The following ME3 variants were observed in gnomAD, a reference collection of about 807,000 sequenced individuals.
The protein encoded by ME3 is malic enzyme 3.
ME3 carries 48 observed loss-of-function variants against 68.9 expected under a neutral mutation model. That is an observed-to-expected ratio of 0.70 (90% CI 0.55 to 0.89). The LOEUF (loss-of-function observed/expected upper bound fraction) is 0.89, where lower values mean the gene tolerates loss of function less well. Among genes scored for constraint, ME3 ranks in the 40% least tolerant of loss-of-function variants. ME3 has a pLI of 0.00. For synonymous variants in ME3, 320 were observed against 318.8 expected (o/e 1.00, Z -0.04); for missense variants, 675 against 797.4 (o/e 0.85, Z 1.85).
chr11:86,659,805 G>A (rs760143839), intron 2 of ME3, among the ~76,000 whole-genome samples: 10 of 152,158 alleles, frequency 6.6e-5, no homozygotes, highest in East Asian at 1.9e-4. Flanking sequence ...GACTGGGAGC[G>A]TTATAATGGT....
At chr11:86,661,909 A>T (rs1209307826) in intron 2 of ME3, among the ~76,000 whole-genome samples, 1 of 152,120 alleles carries the variant, frequency 6.6e-6, no homozygotes, top group African/African-American at 2.4e-5. Context: ...TCCACTGCCT[A>T]AAACTAAACA....
intron 2 of ME3, among the ~76,000 whole-genome samples, chr11:86,566,916 G>A (rs1370548914): frequency 6.6e-6 from 1 of 152,012 alleles, no homozygotes; most frequent in Non-Finnish European, 1.5e-5. Context: ...TGAGAAAGGA[G>A]TGGATAAAAA....
chr11:86,526,670 T>G (rs2139229957), intron 4 of ME3, among the ~76,000 whole-genome samples: 1 of 152,242 alleles, frequency 6.6e-6, no homozygotes, highest in Middle Eastern at 3.4e-3. Context: ...GAGACAAAAC[T>G]TCCAGAGGAA....
intron 2 of ME3, among the ~76,000 whole-genome samples, chr11:86,625,148 T>C (rs1377240223): frequency 1.3e-5 from 2 of 152,092 alleles, no homozygotes; most frequent in African/African-American, 4.8e-5. Context: ...GTATATAGAA[T>C]ACAAAATAGA....
At chr11:86,496,706 C>T (rs1055465929) in intron 6 of ME3, among the ~76,000 whole-genome samples, 1 of 152,104 alleles carries the variant, frequency 6.6e-6, no homozygotes, top group Non-Finnish European at 1.5e-5. Flanking sequence ...AACCTAAGTG[C>T]CCAACTGTGG....
chr11:86,593,207 A>G (rs568816165), intron 2 of ME3, among the ~76,000 whole-genome samples: 7 of 116,936 alleles, frequency 6.0e-5, no homozygotes, highest in African/African-American at 2.3e-4. Context: ...CTTCACTCAC[A>G]TAGTAAAAGT....
chr11:86,481,203 A>G (rs1240609311), intron 7 of ME3, among the ~76,000 whole-genome samples: 1 of 127,250 alleles, frequency 7.9e-6, no homozygotes, highest in Non-Finnish European at 1.6e-5. Context: ...CACCACACCC[A>G]GCTGATTTTT....
At chr11:86,457,949 T>C (rs1220458013) in intron 8 of ME3, among the ~76,000 whole-genome samples, 1 of 152,112 alleles carries the variant, frequency 6.6e-6, no homozygotes, top group Non-Finnish European at 1.5e-5. Flanking sequence ...GAACAATAGA[T>C]TATTGGAGGA....
At chr11:86,461,143 G>A (rs1460178570) in intron 8 of ME3, among the ~76,000 whole-genome samples, 1 of 152,216 alleles carries the variant, frequency 6.6e-6, no homozygotes, top group African/African-American at 2.4e-5. Flanking sequence ...ACGTGCAGGA[G>A]CAACAGGCAG....
intron 2 of ME3, among the ~76,000 whole-genome samples, chr11:86,600,850 C>T (rs1960516477): frequency 6.6e-6 from 1 of 151,780 alleles, no homozygotes; most frequent in African/African-American, 2.4e-5. Context: ...TCCTGAATGA[C>T]TACTGGGTAC....
chr11:86,460,861 C>T (rs1160796480), intron 8 of ME3, among the ~76,000 whole-genome samples: 1 of 152,228 alleles, frequency 6.6e-6, no homozygotes, highest in Non-Finnish European at 1.5e-5. Context: ...CATGTTGGCT[C>T]ATTAGTCCTG....
chr11:86,580,912 C>G (rs750055550), intron 2 of ME3, among the ~76,000 whole-genome samples: 1 of 152,170 alleles, frequency 6.6e-6, no homozygotes, highest in Admixed American at 6.5e-5. Context: ...GTTTCCTGGT[C>G]GGCCTTATCC....
At chr11:86,558,322 C>A (rs1366406268) in intron 3 of ME3, among the ~76,000 whole-genome samples, 1 of 152,170 alleles carries the variant, frequency 6.6e-6, no homozygotes, top group African/African-American at 2.4e-5. Context: ...TGTGTAATTT[C>A]TGGCTTGCTC....
At chr11:86,506,628 A>G (rs1953094803) in intron 5 of ME3, among the ~76,000 whole-genome samples, 1 of 152,154 alleles carries the variant, frequency 6.6e-6, no homozygotes, top group African/African-American at 2.4e-5. Flanking sequence ...AAAAGCACCG[A>G]AAGTATTAGT....
At chr11:86,450,052 G>T in intron 9 of ME3, 50 bp from the exon 10 acceptor site, 1 of 1,400,084 alleles carries the variant, frequency 7.1e-7, no homozygotes, top group Non-Finnish European at 1.0e-6. Flanking sequence ...AACAGCTGCT[G>T]AACATTTATC....
At chr11:86,479,577 A>G (rs1262796973) in intron 7 of ME3, among the ~76,000 whole-genome samples, 2 of 151,986 alleles carry the variant, frequency 1.3e-5, no homozygotes, top group Non-Finnish European at 2.9e-5. Flanking sequence ...TTTTCTCATG[A>G]TGTACCTTCT....
intron 2 of ME3, among the ~76,000 whole-genome samples, chr11:86,560,125 GT>G (rs1957135388): frequency 6.6e-6 from 1 of 152,116 alleles, no homozygotes; most frequent in Admixed American, 6.5e-5. Flanking sequence ...GTTTGTCTCT[GT>G]GTCCCCACCC....
chr11:86,646,461 G>A (rs567696592), intron 2 of ME3, among the ~76,000 whole-genome samples: 24 of 152,312 alleles, frequency 1.6e-4, no homozygotes, highest in African/African-American at 5.3e-4. Flanking sequence ...AGAGACTGTA[G>A]ATTAACTTAG....
At chr11:86,635,670 G>A (rs1318136578) in intron 2 of ME3, among the ~76,000 whole-genome samples, 1 of 152,188 alleles carries the variant, frequency 6.6e-6, no homozygotes, top group African/African-American at 2.4e-5. Context: ...TGTCTTGCAG[G>A]CTTGCTGTTG....
Sources: allele counts gnomAD v4.1 joint callset (sites outside exome capture counted in the v4.1 genomes callset), GRCh38; gene constraint gnomAD v4.1.1; transcripts MANE v1.5; gene names NCBI Gene and HGNC (gene_info 2026-07-23, HGNC 2026-07-21).